The following GARNL3 variants were observed in gnomAD, a reference collection of about 807,000 sequenced individuals.
GARNL3 encodes the protein GTPase activating Rap/RanGAP domain like 3.
In GARNL3, 63 loss-of-function variants were observed where a neutral mutation model predicts 125.0. The ratio of observed to expected loss-of-function variants is 0.50; its 90% confidence interval spans 0.41 to 0.62. GARNL3 has a LOEUF of 0.62. GARNL3 is among the 20% of genes least tolerant of loss of function. The probability of loss-of-function intolerance (pLI) is 0.00; values close to 1 mark genes in which losing one functional copy is unlikely to be tolerated. For missense variants in GARNL3, 994 were observed against 1,244.0 expected (o/e 0.80, Z 3.02); for synonymous variants, 439 against 457.5 (o/e 0.96, Z 0.52).
chr9:127,278,824 C>T (rs1400465161), intron 1 of GARNL3, among the ~76,000 whole-genome samples: 2 of 152,110 alleles, frequency 1.3e-5, no homozygotes, highest in East Asian at 1.9e-4. Flanking sequence ...TCTGGGGTTG[C>T]GGCGGCAATC....
chr9:127,243,064 A>C lies in GARNL3; in HGVS notation c.-28-15A>C, dbSNP rs58391447. 3.3e-3 allele frequency: 4,397 copies of C among 1,343,162 alleles called. 141 individuals carry two copies. The African/African-American group carries it at 0.06, about 18-fold the overall frequency. 83.2% of individuals were successfully genotyped at this position (1,343,162 alleles called of 1,614,324 possible). Reference sequence around the variant, plus strand: ...TCTCTGTCTCTTAGTGCCTTTCCCAACTCTTCTGTTTCAGGACAGCTGCCC... The same window carrying C: ...TCTCTGTCTCTTAGTGCCTTTCCCACCTCTTCTGTTTCAGGACAGCTGCCC... On this transcript the variant is annotated splice_polypyrimidine_tract_variant and intron_variant, in intron 1 of 10. Transcript: ENST00000439286.
At position 127,385,388 on chromosome 9, in the gene GARNL3, G is replaced by A. The variant is rs932042402; in HGVS notation, c.2388+243G>A. 2.6e-5 allele frequency among the ~76,000 whole-genome samples: 4 copies of A among 152,174 alleles called. No individual in the cohort carries two copies. Among genetic ancestry groups the A allele is most frequent in the Non-Finnish European group, 4.4e-5 (3 of 68,036 alleles). Reference sequence around the variant, plus strand: ...TCATTAACTGGTGCTGGTGGCAGCTGGGGAGCACTTAGCTGAAAAGAGATA... The same window carrying A: ...TCATTAACTGGTGCTGGTGGCAGCTAGGGAGCACTTAGCTGAAAAGAGATA... On this transcript the variant is annotated intron_variant, in intron 24 of 27. Transcript: ENST00000373387. This position sits in a 1 kb window ranked among gnomAD's most constrained non-coding sequence, Gnocchi z 4.1.
intron 22 of GARNL3, among the ~76,000 whole-genome samples, chr9:127,382,528 C>T (rs1832320820): frequency 6.6e-6 from 1 of 152,018 alleles, no homozygotes; most frequent in East Asian, 1.9e-4. Context: ...AGGAGGCTCA[C>T]TTTAGCCTGG....
chr9:127,325,065 A>G lies in GARNL3; in HGVS notation c.568-4A>G. 6.2e-7 allele frequency: 1 copy of G among 1,613,366 alleles called. No homozygotes were observed. The highest frequency in any genetic ancestry group is 1.1e-5 in the South Asian group (1 of 91,048). ...GATGTAACTTTTAAAACTTTATTTG[A>G]CAGGACTTGCTGGTTCTTGAAGAAC... On this transcript the variant is annotated splice_polypyrimidine_tract_variant and splice_region_variant and intron_variant, in intron 6 of 27. Coordinates refer to ENST00000373387, the MANE Select transcript of GARNL3 (RefSeq NM_032293.5).
chr9:127,263,974 C>A, upstream of GARNL3: 1 of 1,527,890 alleles, frequency 6.5e-7, no homozygotes, highest in Non-Finnish European at 8.8e-7. Context: ...GAAAATGCAA[C>A]CTACCTTTTA....
chr9:127,344,480 G>A (rs1011795925), intron 15 of GARNL3, 141 bp downstream of exon 15: 20 of 657,200 alleles, frequency 3.0e-5, no homozygotes, highest in South Asian at 1.7e-4. Flanking sequence ...TGGCAACCAC[G>A]AGTGAGATTT....
At chr9:127,257,600 C>T (rs1273396423) in intron 2 of GARNL3, among the ~76,000 whole-genome samples, 1 of 152,032 alleles carries the variant, frequency 6.6e-6, no homozygotes, top group Non-Finnish European at 1.5e-5. Flanking sequence ...AGTGGACACA[C>T]CGATTCTGTA....
At chr9:127,361,944 C>T (rs951514027) in intron 21 of GARNL3, 1 of 152,076 alleles carries the variant, frequency 6.6e-6, no homozygotes, top group Admixed American at 6.6e-5. Context: ...ACCTTTCCCA[C>T]TGCAGTCAAC....
At chr9:127,322,577 G>A (rs1311453650) in intron 6 of GARNL3, among the ~76,000 whole-genome samples, 1 of 152,186 alleles carries the variant, frequency 6.6e-6, no homozygotes, top group Admixed American at 6.5e-5. Flanking sequence ...GTGTGTGAGT[G>A]TGCATGTGTG....
chr9:127,246,082 C>T (rs2063298793), intron 2 of GARNL3, among the ~76,000 whole-genome samples: 2 of 152,122 alleles, frequency 1.3e-5, no homozygotes, highest in Admixed American at 1.3e-4. Flanking sequence ...GTTGGTGCTT[C>T]TTAGGGAGTG....
At chr9:127,249,337 A>C (rs1210941297) in intron 2 of GARNL3, among the ~76,000 whole-genome samples, 3 of 152,154 alleles carry the variant, frequency 2.0e-5, no homozygotes, top group African/African-American at 7.2e-5. Flanking sequence ...TAATCCCAGC[A>C]CTTTGGGAGG....
intron 25 of GARNL3, among the ~76,000 whole-genome samples, chr9:127,387,818 A>C (rs1409770845): frequency 6.6e-6 from 1 of 151,944 alleles, no homozygotes; most frequent in Non-Finnish European, 1.5e-5. Flanking sequence ...TGGTGATAAC[A>C]ACGACAAAAC....
rs1832480269 is a variant in GARNL3, at chr9:127,385,190, CG to C, written c.2388+47del. On this transcript the variant is annotated intron_variant, in intron 24 of 27. Coordinates refer to ENST00000373387, the MANE Select transcript of GARNL3 (RefSeq NM_032293.5). This position sits in a 1 kb window ranked among gnomAD's most constrained non-coding sequence, Gnocchi z 4.1. ...TATCTCTGAGTGGTTTGGGGGACCC[CG>C]GCACTGTGGGATTTCAGGTGAGCAC... The C allele has an allele frequency of 1.6e-6, 2 of 1,250,874 alleles. No individual in the cohort carries two copies. Among genetic ancestry groups the C allele is most frequent in the South Asian group, 2.7e-5 (2 of 73,316 alleles). 77.5% of individuals were successfully genotyped at this position (1,250,874 alleles called of 1,614,324 possible). A position where few individuals can be genotyped will look rare whatever the true frequency, so the allele number is the denominator to read the frequency against.
intron 21 of GARNL3, among the ~76,000 whole-genome samples, chr9:127,360,082 G>A (rs1257952696): frequency 2.0e-5 from 3 of 152,076 alleles, no homozygotes; most frequent in East Asian, 3.9e-4. Flanking sequence ...GTGCAGTGGC[G>A]CAATCTCGGC....
At chr9:127,291,726 CTTTTTTTTT>C (rs142800268) in intron 2 of GARNL3, among the ~76,000 whole-genome samples, 4 of 59,304 alleles carry the variant, frequency 6.7e-5, no homozygotes, top group African/African-American at 1.4e-4. Context: ...ACTCACCTTG[CTTTTTTTTT>C]TTTTTTTTTT....
chr9:127,385,903 G>A lies in GARNL3; in HGVS notation c.2388+758G>A, dbSNP rs920614824. Among the ~76,000 whole-genome samples the A allele has an allele frequency of 3.3e-5, 5 of 152,154 alleles. No homozygotes were observed. Among genetic ancestry groups the A allele is most frequent in the East Asian group, 1.9e-4 (1 of 5,196 alleles). On this transcript the variant is annotated intron_variant, in intron 24 of 27. Coordinates refer to ENST00000373387, the MANE Select transcript of GARNL3 (RefSeq NM_032293.5). This position sits in a 1 kb window ranked among gnomAD's most constrained non-coding sequence, Gnocchi z 4.1. The stretch of plus-strand genomic sequence containing the variant: ...GTGGTGTGCTCAATGCTTCAGTCCC[G>A]CAGTGCTCTGGAAAATGTGTGTGTG...
chr9:127,235,761 G>A (rs2063099765), intron 1 of GARNL3, among the ~76,000 whole-genome samples: 1 of 152,162 alleles, frequency 6.6e-6, no homozygotes. Context: ...TGGTCCATTG[G>A]TGGCCTTTGA....
chr9:127,369,578 C>T (rs959209852), intron 22 of GARNL3, among the ~76,000 whole-genome samples: 1 of 152,166 alleles, frequency 6.6e-6, no homozygotes, highest in African/African-American at 2.4e-5. Context: ...CCAGAGCAGG[C>T]GAGGCCTGTC....
At chr9:127,296,779 A>G (rs2064608826) in intron 2 of GARNL3, among the ~76,000 whole-genome samples, 1 of 152,018 alleles carries the variant, frequency 6.6e-6, no homozygotes, top group Non-Finnish European at 1.5e-5. Flanking sequence ...CCAGGTAGGC[A>G]TGATTAATTA....
Sources: allele counts gnomAD v4.1 joint callset (sites outside exome capture counted in the v4.1 genomes callset), GRCh38; gene constraint gnomAD v4.1.1; non-coding constraint Gnocchi (gnomAD v3.1); transcripts MANE v1.5; gene names NCBI Gene and HGNC (gene_info 2026-07-23, HGNC 2026-07-21).